Variants in PRKN observed in about 807,000 individuals in gnomAD.
The protein encoded by PRKN is parkin RBR E3 ubiquitin protein ligase, also known as E3 ubiquitin-protein ligase parkin.
Under a neutral mutation model 59.5 loss-of-function variants are expected in PRKN, and 56 were observed. The observed-to-expected ratio is 0.94, with a 90% confidence interval of 0.76 to 1.18. The LOEUF is 1.18. Among genes scored for constraint, PRKN ranks in the 50% most tolerant of loss-of-function variants. The pLI, the probability that PRKN is intolerant of heterozygous loss-of-function variation, is 0.00. For missense variants in PRKN, 657 were observed against 596.4 expected (o/e 1.10, Z -1.06); for synonymous variants, 250 against 222.1 (o/e 1.13, Z -1.12).
chr6:161,760,066 C>T (rs1180159688), intron 7 of PRKN, among the ~76,000 whole-genome samples: 9 of 62,780 alleles, frequency 1.4e-4, no homozygotes, highest in Admixed American at 7.1e-4. Context: ...TACCACACAG[C>T]TCGTTCTTAA....
rs570267730 is a variant in PRKN at position 162,375,261 on chromosome 6, A to T, written c.171+68049T>A. Among the ~76,000 whole-genome samples, 8 of 152,250 alleles carry T rather than the reference A, an allele frequency of 5.3e-5. No homozygotes were observed. In the East Asian group the frequency reaches 1.5e-3, roughly 29 times the overall value. Reference sequence around the variant, plus strand: ...ATGAAACAGCTTTAGACTAAACTTCATGTAACACCTTCAAGTGTGAGCCAC... The same window carrying T: ...ATGAAACAGCTTTAGACTAAACTTCTTGTAACACCTTCAAGTGTGAGCCAC... On this transcript the variant is annotated intron_variant, in intron 2 of 11. Coordinates refer to ENST00000366898, the MANE Select transcript of PRKN (RefSeq NM_004562.3).
In PRKN at chr6:161,561,473, T is replaced by C. The variant is rs973551129; in HGVS notation, c.933+7882A>G. Among the ~76,000 whole-genome samples, 2 of 152,204 alleles carry C rather than the reference T, an allele frequency of 1.3e-5. No individual in the cohort carries two copies. Among genetic ancestry groups the C allele is most frequent in the African/African-American group, 4.8e-5 (2 of 41,460 alleles). On this transcript the variant is annotated intron_variant, in intron 8 of 11. Transcript: ENST00000366898. The surrounding 1 kb of genome is among the most constrained non-coding windows in gnomAD (Gnocchi z 5.0). Reference sequence around the variant, plus strand: ...ACACTCTAAGTGTCAAGTACTCTTCTATGTGGAAGACGCAGCAGTGAAAAA... The same window carrying C: ...ACACTCTAAGTGTCAAGTACTCTTCCATGTGGAAGACGCAGCAGTGAAAAA...
chr6:161,899,130 G>A (rs1191608690), intron 6 of PRKN, among the ~76,000 whole-genome samples: 1 of 152,238 alleles, frequency 6.6e-6, no homozygotes, highest in Non-Finnish European at 1.5e-5. Flanking sequence ...GCGTGGCCCA[G>A]ACAGTGACTG....
intron 1 of PRKN, among the ~76,000 whole-genome samples, chr6:162,493,196 CCCTTTA>C (rs1792899191): frequency 6.6e-6 from 1 of 152,150 alleles, no homozygotes; most frequent in Admixed American, 6.5e-5. Context: ...GAACCACCAT[CCCTTTA>C]TGTAGAGGAA....
At chr6:162,259,775 TA>T (rs1779808583) in intron 3 of PRKN, among the ~76,000 whole-genome samples, 1 of 152,188 alleles carries the variant, frequency 6.6e-6, no homozygotes, top group Non-Finnish European at 1.5e-5. Context: ...AGCAATTTAG[TA>T]AACATGTATC....
chr6:162,649,091 T>C (rs563714372), intron 1 of PRKN, among the ~76,000 whole-genome samples: 4 of 152,230 alleles, frequency 2.6e-5, no homozygotes, highest in Non-Finnish European at 4.4e-5. Flanking sequence ...ATGAGCCAAT[T>C]CCTTAACATA....
At chr6:162,008,149 T>A (rs1403226071) in intron 5 of PRKN, among the ~76,000 whole-genome samples, 3 of 152,198 alleles carry the variant, frequency 2.0e-5, no homozygotes, top group African/African-American at 7.2e-5. Context: ...AAGTTTACTA[T>A]GAAAATTCCT....
In PRKN at chr6:161,548,379, G is replaced by A. The variant is rs1214091606; in HGVS notation, c.1083+475C>T. Among the ~76,000 whole-genome samples the A allele has an allele frequency of 6.6e-6, 1 of 152,098 alleles. No homozygotes were observed. Among genetic ancestry groups the A allele is most frequent in the African/African-American group, 2.4e-5 (1 of 41,418 alleles). On this transcript the variant is annotated intron_variant, in intron 9 of 11. Transcript: ENST00000366898. This position sits in a 1 kb window ranked among gnomAD's most constrained non-coding sequence, Gnocchi z 4.2. ...AGTTTTGTTCATCTCTACTTAAAAT[G>A]ATTTTTATGACATAATAACATTTCA...
At chr6:162,033,988 G>T (rs967984336) in intron 5 of PRKN, among the ~76,000 whole-genome samples, 2 of 151,966 alleles carry the variant, frequency 1.3e-5, no homozygotes, top group African/African-American at 4.8e-5. Context: ...GATGTAACTG[G>T]TCCTAATTAA....
intron 7 of PRKN, among the ~76,000 whole-genome samples, chr6:161,622,158 G>A (rs1297453328): frequency 1.3e-5 from 2 of 152,048 alleles, no homozygotes; most frequent in Non-Finnish European, 2.9e-5. Context: ...TTGCAGATGG[G>A]GGGCTGCCCT....
intron 6 of PRKN, among the ~76,000 whole-genome samples, chr6:161,918,335 T>C (rs1479248691): frequency 6.6e-6 from 1 of 152,192 alleles, no homozygotes; most frequent in Non-Finnish European, 1.5e-5. Context: ...GACTTACTTA[T>C]GCTTTGTTAA....
At position 162,460,503 on chromosome 6, in the gene PRKN, G is replaced by C. The variant is rs555174576; in HGVS notation, c.8-17030C>G. Among the ~76,000 whole-genome samples the C allele has an allele frequency of 2.0e-5, 3 of 152,212 alleles. No homozygotes were observed. In the East Asian group the frequency reaches 5.8e-4, roughly 29 times the overall value. On this transcript the variant is annotated intron_variant, in intron 1 of 11. Transcript: ENST00000366898. ...AACAATGAATTTTAGAATTTAAATG[G>C]GTGAATTTTATAGTATGTGAATTAT... is the stretch of plus-strand genomic sequence containing the variant.
chr6:162,497,950 G>A (rs1220354754), intron 1 of PRKN, among the ~76,000 whole-genome samples: 1 of 152,140 alleles, frequency 6.6e-6, no homozygotes, highest in Admixed American at 6.5e-5. Flanking sequence ...TTGAAGTGGT[G>A]GATATTCTAA....
chr6:161,949,340 A>G (rs1373970285), intron 6 of PRKN, among the ~76,000 whole-genome samples: 2 of 152,108 alleles, frequency 1.3e-5, no homozygotes, highest in Non-Finnish European at 2.9e-5. Context: ...GTGAAACCCC[A>G]TCTCTACTAA....
intron 1 of PRKN, among the ~76,000 whole-genome samples, chr6:162,718,094 G>T (rs377721537): frequency 6.6e-6 from 1 of 152,012 alleles, no homozygotes; most frequent in East Asian, 1.9e-4. Context: ...TAACTAAATG[G>T]TCACATTAAC....
At chr6:162,631,510 A>G (rs1346073692) in intron 1 of PRKN, among the ~76,000 whole-genome samples, 5 of 152,084 alleles carry the variant, frequency 3.3e-5, no homozygotes, top group Non-Finnish European at 2.9e-5. Flanking sequence ...GTGCCTGTTC[A>G]TGTCCTTTGC....
intron 6 of PRKN, among the ~76,000 whole-genome samples, chr6:161,885,402 AG>A (rs1795098259): frequency 2.6e-5 from 4 of 152,186 alleles, no homozygotes; most frequent in African/African-American, 7.2e-5. Context: ...GCGGTGGCTC[AG>A]CCTGTAATCC....
At chr6:161,705,619 A>G (rs1316215898) in intron 7 of PRKN, among the ~76,000 whole-genome samples, 1 of 152,176 alleles carries the variant, frequency 6.6e-6, no homozygotes, top group Non-Finnish European at 1.5e-5. Context: ...CTGTCTCTTC[A>G]GTTTTCCCAT....
At chr6:162,103,770 C>G (rs1039759470) in intron 4 of PRKN, among the ~76,000 whole-genome samples, 2 of 152,156 alleles carry the variant, frequency 1.3e-5, no homozygotes, top group Non-Finnish European at 2.9e-5. Flanking sequence ...TAGCCTCAGA[C>G]GGCAGATGAG....
Sources: gnomAD v4.1 joint callset for allele counts (sites outside exome capture counted in the v4.1 genomes callset) on GRCh38, gnomAD v4.1.1 for gene constraint, Gnocchi (gnomAD v3.1) non-coding constraint, MANE v1.5 for transcripts, NCBI Gene and HGNC (gene_info 2026-07-23, HGNC 2026-07-21) for gene names.